Variants in SLC10A1 observed in about 807,000 individuals in gnomAD.
The protein encoded by SLC10A1 is hepatic sodium/bile acid cotransporter.
A neutral mutation model predicts 20.5 loss-of-function variants in SLC10A1; 36 were observed. The observed-to-expected ratio is 1.75, with a 90% CI of 1.34 to 2.32. The LOEUF (loss-of-function observed/expected upper bound fraction) is 2.32, where lower values mean the gene tolerates loss of function less well. SLC10A1 is among the 30% of genes most tolerant of loss of function. SLC10A1 has a pLI of 0.00. For missense variants in SLC10A1, 545 were observed against 439.1 expected (o/e 1.24, Z -2.16); for synonymous variants, 188 against 163.6 (o/e 1.15, Z -1.14).
intron 2 of SLC10A1, among the ~76,000 whole-genome samples, chr14:69,783,657 A>G (rs993772171): frequency 2.0e-5 from 3 of 152,236 alleles, no homozygotes; most frequent in Non-Finnish European, 2.9e-5. Flanking sequence ...GAAGGAGTCA[A>G]TGAGAGGCTT....
At chr14:69,790,502 C>T (rs1488321857) in intron 1 of SLC10A1, among the ~76,000 whole-genome samples, 1 of 151,852 alleles carries the variant, frequency 6.6e-6, no homozygotes, top group Non-Finnish European at 1.5e-5. Context: ...AATGATTTAA[C>T]ATTAGATAAT....
chr14:69,779,272 G>C lies in SLC10A1; in HGVS notation c.656C>G (p.Thr219Arg), dbSNP rs199652119. The change falls in exon 3 of 5, where the codon ACA (threonine) becomes AGA (arginine). Residue 219 changes from threonine (T) to arginine (R), a missense_variant. Physicochemically the swap from Thr to Arg is moderately conservative, Grantham distance 71 (BLOSUM62 -1). Transcript: ENST00000216540. ...NVGKSIMFAM[T>R]PLLIATSSLM... ...GGAGGAGGTGGCAATCAAGAGTGGT[G>C]TCATGGCAAACATGATGCTCTTCCC... 1 of 1,613,954 alleles carries C rather than the reference G, an allele frequency of 6.2e-7. No homozygotes were observed. Among genetic ancestry groups the C allele is most frequent in the Admixed American group, 1.7e-5 (1 of 60,012 alleles).
In SLC10A1 at chr14:69,778,519, T is replaced by A. The variant is rs200824416; in HGVS notation, c.757A>T (p.Thr253Ser). 2.1e-5 allele frequency: 33 copies of A among 1,607,180 alleles called. No homozygotes were observed. Among genetic ancestry groups the A allele is most frequent in the Non-Finnish European group, 2.7e-5 (32 of 1,177,124 alleles). Residue 253 changes from threonine (T) to serine (S), a missense_variant, in exon 4 of 5, where the codon ACT becomes TCT. Coordinates refer to ENST00000216540, the MANE Select transcript of SLC10A1 (RefSeq NM_003049.4). ...LFCLNGRCRR[T>S]VSMETGCQNV... ...TGGCATCCAGTCTCCATGCTGACAG[T>A]GCGTCTGCACCTGTGCCGGTGAAGA...
intron 2 of SLC10A1, among the ~76,000 whole-genome samples, chr14:69,781,477 C>G (rs974715215): frequency 1.3e-5 from 2 of 152,194 alleles, no homozygotes; most frequent in Non-Finnish European, 2.9e-5. Context: ...CAGATTCTCT[C>G]ATTTAGGAAG....
intron 1 of SLC10A1, among the ~76,000 whole-genome samples, chr14:69,788,517 G>A (rs975818580): frequency 2.0e-5 from 3 of 151,710 alleles, no homozygotes; most frequent in Non-Finnish European, 4.4e-5. Flanking sequence ...TCTGATAAGG[G>A]TCTAATATTC....
chr14:69,779,417 G>A, intron 2 of SLC10A1, 57 bp from the exon 3 acceptor site: 4 of 1,420,744 alleles, frequency 2.8e-6, no homozygotes, highest in Non-Finnish European at 1.9e-6. Flanking sequence ...GAGGAACAGA[G>A]GTGGGGAAGC....
At position 69,778,461 on chromosome 14, in the gene SLC10A1, A is replaced by C. The variant is rs201929677; in HGVS notation, c.815T>G (p.Val272Gly). The change falls in exon 4 of 5, where the codon GTG becomes GGG. Residue 272 changes from valine to glycine, a missense_variant. Coordinates refer to ENST00000216540, the MANE Select transcript of SLC10A1 (RefSeq NM_003049.4). ...TCCAATGACTTCAGGTGGAAAGGCC[A>C]CATTGAGGATGGTGGAACAGAGTTG... ...NVQLCSTILNVAFPPEVIGPL... is the reference protein window; with the variant it reads ...NVQLCSTILNGAFPPEVIGPL... 5 of 1,614,034 alleles carry C rather than the reference A, an allele frequency of 3.1e-6. No individual in the cohort carries two copies. Among genetic ancestry groups the C allele is most frequent in the Admixed American group, 1.7e-5 (1 of 60,016 alleles).
At chr14:69,786,385 C>T in intron 1 of SLC10A1, 78 bp from the exon 2 acceptor site, 2 of 1,170,576 alleles carry the variant, frequency 1.7e-6, no homozygotes, top group Non-Finnish European at 2.5e-6. Context: ...CTGCTAAGTG[C>T]CACTGTGCTA....
chr14:69,793,197 G>T (rs1304603309), intron 1 of SLC10A1, among the ~76,000 whole-genome samples: 1 of 152,144 alleles, frequency 6.6e-6, no homozygotes, highest in East Asian at 1.9e-4. Flanking sequence ...TGCCTTGTCA[G>T]CTTGGGTATG....
At chr14:69,784,725 G>C (rs1439695600) in intron 2 of SLC10A1, among the ~76,000 whole-genome samples, 1 of 150,488 alleles carries the variant, frequency 6.6e-6, no homozygotes, top group Non-Finnish European at 1.5e-5. Context: ...TTAGAAATGA[G>C]AGAGAGGGGA....
chr14:69,795,465 G>T (rs1882370901), intron 1 of SLC10A1, among the ~76,000 whole-genome samples: 1 of 150,528 alleles, frequency 6.6e-6, no homozygotes, highest in South Asian at 2.1e-4. Context: ...GAGTGCAGTG[G>T]TGTGATCATG....
At chr14:69,786,371 G>A in intron 1 of SLC10A1, 64 bp from the exon 2 acceptor site, 1 of 1,392,770 alleles carries the variant, frequency 7.2e-7, no homozygotes, top group South Asian at 1.2e-5. Flanking sequence ...ATTTTGTTGA[G>A]TGCCTGCTAA....
chr14:69,794,844 G>A (rs1279100018), intron 1 of SLC10A1, among the ~76,000 whole-genome samples: 3 of 152,138 alleles, frequency 2.0e-5, no homozygotes, highest in Non-Finnish European at 4.4e-5. Flanking sequence ...GAGCATGAGG[G>A]GTCATGTTCT....
intron 4 of SLC10A1, among the ~76,000 whole-genome samples, chr14:69,777,531 G>A (rs1158298180): frequency 2.8e-5 from 4 of 143,174 alleles, no homozygotes; most frequent in Non-Finnish European, 6.1e-5. Context: ...ATATACTAAT[G>A]TTGAGAGTTA....
Position 69,797,060 on chromosome 14 carries a change from C to T in SLC10A1, c.96G>A (p.Val32=). Residue 32 remains valine (V), a synonymous_variant, in exon 1 of 5, where the codon GTG becomes GTA. Transcript: ENST00000216540. ...AGAGCATGATGAAGAACAACATGAA[C>T]ACCAGGATGACGCTCAGTGCCAGGT... ...PTDLALSVIL[V]FMLFFIMLSL... is the part of the protein sequence containing the mutation. 3 of 1,614,202 alleles carry T rather than the reference C, an allele frequency of 1.9e-6. No homozygotes were observed. Among genetic ancestry groups the T allele is most frequent in the South Asian group, 2.2e-5 (2 of 91,080 alleles).
At chr14:69,779,427 C>A in intron 2 of SLC10A1, 67 bp from the exon 3 acceptor site, 1 of 1,319,384 alleles carries the variant, frequency 7.6e-7, no homozygotes, top group South Asian at 1.5e-5. Flanking sequence ...GGTGGGGAAG[C>A]ACAGGTAGAA....
At chr14:69,783,909 A>G (rs1883654359) in intron 2 of SLC10A1, among the ~76,000 whole-genome samples, 2 of 152,338 alleles carry the variant, frequency 1.3e-5, no homozygotes, top group South Asian at 2.1e-4. Flanking sequence ...GCAACTGGGC[A>G]CACACACAGT....
At chr14:69,785,764 ATT>A (rs35730433) in intron 2 of SLC10A1, among the ~76,000 whole-genome samples, 14 of 135,784 alleles carry the variant, frequency 1.0e-4, no homozygotes, top group East Asian at 2.1e-4. Context: ...TGCCCGGCTA[ATT>A]TTTTTTTTTT....
At chr14:69,777,794 G>A (rs964736913) in intron 4 of SLC10A1, among the ~76,000 whole-genome samples, 4 of 151,442 alleles carry the variant, frequency 2.6e-5, no homozygotes, top group Non-Finnish European at 4.4e-5. Flanking sequence ...TTTAACAACC[G>A]TATGCTTAAG....
Sources: allele counts gnomAD v4.1 joint callset (sites outside exome capture counted in the v4.1 genomes callset), GRCh38; gene constraint gnomAD v4.1.1; transcripts MANE v1.5; gene names NCBI Gene and HGNC (gene_info 2026-07-23, HGNC 2026-07-21).